MDGA2: variants seen among roughly 807,000 people sequenced by gnomAD.
MDGA2 encodes MAM domain-containing glycosylphosphatidylinositol anchor protein 2.
Under a neutral mutation model 117.8 loss-of-function variants are expected in MDGA2, and 40 were observed. That is an observed-to-expected ratio of 0.34 (90% confidence interval 0.26 to 0.44). The LOEUF is 0.44. MDGA2 is among the 20% of genes least tolerant of loss of function. The probability of loss-of-function intolerance (pLI) is 1.00; values close to 1 mark genes in which losing one functional copy is unlikely to be tolerated. For synonymous variants in MDGA2, 452 were observed against 439.0 expected (o/e 1.03, Z -0.37); for missense variants, 1,123 against 1,250.6 (o/e 0.90, Z 1.54).
At chr14:47,106,118 G>C (rs893793620) in intron 5 of MDGA2, among the ~76,000 whole-genome samples, 1 of 152,044 alleles carries the variant, frequency 6.6e-6, no homozygotes, top group Non-Finnish European at 1.5e-5. Context: ...TAAAAATCCA[G>C]CCCAGTTCAT....
At chr14:46,898,492 A>T (rs1883165819) in intron 10 of MDGA2, among the ~76,000 whole-genome samples, 1 of 152,116 alleles carries the variant, frequency 6.6e-6, no homozygotes, top group Admixed American at 6.6e-5. Flanking sequence ...GAGATAGAAT[A>T]GGTTAGAATA....
intron 1 of MDGA2, among the ~76,000 whole-genome samples, chr14:47,498,360 A>G (rs1894326026): frequency 6.6e-6 from 1 of 152,160 alleles, no homozygotes; most frequent in African/African-American, 2.4e-5. Context: ...TCACTGAGCT[A>G]ATATTCCTAC....
At chr14:47,500,224 A>G (rs1274016390) in intron 1 of MDGA2, among the ~76,000 whole-genome samples, 2 of 152,118 alleles carry the variant, frequency 1.3e-5, no homozygotes. Flanking sequence ...AAGTCTTTCA[A>G]AAGGTAAATT....
intron 1 of MDGA2, among the ~76,000 whole-genome samples, chr14:47,540,957 TTA>T (rs1895341366): frequency 6.6e-6 from 1 of 152,146 alleles, no homozygotes; most frequent in African/African-American, 2.4e-5. Context: ...CTTCACTATA[TTA>T]TATTTTATGT....
intron 3 of MDGA2, among the ~76,000 whole-genome samples, chr14:47,178,929 A>G (rs1199725619): frequency 6.6e-6 from 1 of 152,160 alleles, no homozygotes; most frequent in East Asian, 1.9e-4. Flanking sequence ...GTATAAGAGA[A>G]CAAGGTATAT....
At chr14:47,394,699 C>A (rs954430193) in intron 1 of MDGA2, among the ~76,000 whole-genome samples, 3 of 152,172 alleles carry the variant, frequency 2.0e-5, no homozygotes, top group Non-Finnish European at 4.4e-5. Context: ...AACTATATAA[C>A]TATTAAAATG....
chr14:47,359,748 C>A (rs375320398), intron 1 of MDGA2, among the ~76,000 whole-genome samples: 274 of 110,630 alleles, frequency 2.5e-3, no homozygotes, highest in Non-Finnish European at 2.8e-3. Flanking sequence ...AAGACTGTCT[C>A]AAAAAAAAAA....
At chr14:47,508,832 A>G (rs997830450) in intron 1 of MDGA2, among the ~76,000 whole-genome samples, 5 of 151,876 alleles carry the variant, frequency 3.3e-5, no homozygotes, top group South Asian at 2.1e-4. Flanking sequence ...GGCACCCACC[A>G]CTATGCCCGG....
intron 1 of MDGA2, among the ~76,000 whole-genome samples, chr14:47,588,419 G>C (rs1896373391): frequency 6.6e-6 from 1 of 151,454 alleles, no homozygotes; most frequent in South Asian, 2.1e-4. Context: ...TGTCAACATT[G>C]CTATTGTTCA....
intron 1 of MDGA2, among the ~76,000 whole-genome samples, chr14:47,607,060 T>C (rs556438229): frequency 6.6e-6 from 1 of 152,164 alleles, no homozygotes; most frequent in Non-Finnish European, 1.5e-5. Flanking sequence ...TAAAGATTAT[T>C]TGGTCAATGA....
intron 1 of MDGA2, among the ~76,000 whole-genome samples, chr14:47,337,689 TG>T (rs964273610): frequency 3.3e-5 from 5 of 151,330 alleles, no homozygotes; most frequent in Non-Finnish European, 7.4e-5. Context: ...AAAGAGAAAA[TG>T]GGGGGGATAA....
intron 1 of MDGA2, among the ~76,000 whole-genome samples, chr14:47,514,046 T>G (rs764475663): frequency 6.6e-6 from 1 of 152,100 alleles, no homozygotes; most frequent in Non-Finnish European, 1.5e-5. Context: ...AACTCAGAAG[T>G]TGACAACAAA....
chr14:47,014,350 T>C (rs1364422067), intron 8 of MDGA2, among the ~76,000 whole-genome samples: 3 of 152,192 alleles, frequency 2.0e-5, no homozygotes, highest in South Asian at 4.1e-4. Context: ...ACCAGCTACA[T>C]TAGCCCCTAA....
intron 1 of MDGA2, among the ~76,000 whole-genome samples, chr14:47,467,184 G>C (rs945175557): frequency 6.6e-6 from 1 of 152,044 alleles, no homozygotes; most frequent in African/African-American, 2.4e-5. Flanking sequence ...GCCAAAATAA[G>C]GCTGGAAGTT....
At position 47,629,215 on chromosome 14, in the gene MDGA2, G is replaced by A. The variant is rs778056874; in HGVS notation, c.280+45302C>T. Among the ~76,000 whole-genome samples the A allele has an allele frequency of 9.8e-5, 15 of 152,304 alleles. 1 individual carries two copies. Among genetic ancestry groups the A allele is most frequent in the African/African-American group, 2.2e-4 (9 of 41,564 alleles). On this transcript the variant is annotated intron_variant, in intron 1 of 16. Transcript: ENST00000399232. Reference sequence around the variant, plus strand: ...ATCTGTGTCATATCTGTGTTGTGGGGATGTACATGCTATTATTAAATAAGT... The same window carrying A: ...ATCTGTGTCATATCTGTGTTGTGGGAATGTACATGCTATTATTAAATAAGT...
intron 2 of MDGA2, among the ~76,000 whole-genome samples, chr14:47,253,642 T>C (rs1364918699): frequency 6.6e-6 from 1 of 152,234 alleles, no homozygotes; most frequent in Non-Finnish European, 1.5e-5. Flanking sequence ...GTTGAGTGGC[T>C]GTGGCTTTTC....
intron 11 of MDGA2, among the ~76,000 whole-genome samples, chr14:46,879,776 G>A (rs1013617414): frequency 6.6e-6 from 1 of 152,126 alleles, no homozygotes; most frequent in South Asian, 2.1e-4. Context: ...TTCTGGGTCC[G>A]AATATCTTCA....
intron 1 of MDGA2, among the ~76,000 whole-genome samples, chr14:47,633,005 A>G (rs1254042771): frequency 6.6e-6 from 1 of 152,206 alleles, no homozygotes; most frequent in Non-Finnish European, 1.5e-5. Context: ...ATAACTATAT[A>G]AATGTTAAAT....
intron 3 of MDGA2, among the ~76,000 whole-genome samples, chr14:47,176,581 GA>G (rs1299095038): frequency 6.6e-6 from 1 of 152,172 alleles, no homozygotes; most frequent in East Asian, 1.9e-4. Flanking sequence ...ATGGTGTTGG[GA>G]AAACTGACTG....
Sources: gnomAD v4.1 joint callset for allele counts (sites outside exome capture counted in the v4.1 genomes callset) on GRCh38, gnomAD v4.1.1 for gene constraint, MANE v1.5 for transcripts, NCBI Gene and HGNC (gene_info 2026-07-23, HGNC 2026-07-21) for gene names.